Variants in COL4A1 observed in about 807,000 individuals in gnomAD.
The protein encoded by COL4A1 is collagen type IV alpha 1 chain.
COL4A1 carries 40 observed loss-of-function variants against 216.6 expected under a neutral mutation model. The observed-to-expected ratio is 0.18, with a 90% CI of 0.14 to 0.24. The LOEUF (loss-of-function observed/expected upper bound fraction) is 0.24. Among genes scored for constraint, COL4A1 ranks in the 10% least tolerant of loss-of-function variants. The pLI is 1.00. For synonymous variants in COL4A1, 839 were observed against 810.7 expected (o/e 1.03, Z -0.59); for missense variants, 1,628 against 2,196.8 (o/e 0.74, Z 5.18).
intron 1 of COL4A1, among the ~76,000 whole-genome samples, chr13:110,257,313 C>A (rs1347437525): frequency 1.3e-5 from 2 of 152,170 alleles, no homozygotes; most frequent in East Asian, 3.8e-4. Context: ...GGTCAGAGAT[C>A]CATCTGGGAG....
At chr13:110,269,732 C>T (rs924424464) in intron 1 of COL4A1, among the ~76,000 whole-genome samples, 3 of 151,860 alleles carry the variant, frequency 2.0e-5, no homozygotes, top group African/African-American at 7.3e-5. Flanking sequence ...GGGCGCATCC[C>T]GATTGCATGC....
intron 25 of COL4A1, 49 bp from the exon 26 acceptor site, chr13:110,186,602 C>A (rs1375454770): frequency 2.5e-6 from 4 of 1,605,866 alleles, no homozygotes; most frequent in South Asian, 1.1e-5. Context: ...CACACCAACA[C>A]CCTGTCCTTA....
At chr13:110,290,279 G>C (rs758404812) in intron 1 of COL4A1, among the ~76,000 whole-genome samples, 1 of 152,184 alleles carries the variant, frequency 6.6e-6, no homozygotes, top group Middle Eastern at 3.2e-3. Flanking sequence ...ACAAGCGCTC[G>C]GCAGGCGGCT....
At chr13:110,226,398 G>A (rs1418340400) in intron 2 of COL4A1, among the ~76,000 whole-genome samples, 2 of 152,150 alleles carry the variant, frequency 1.3e-5, no homozygotes, top group Non-Finnish European at 2.9e-5. Context: ...AGTAGCTAAC[G>A]ACATACACCG....
At chr13:110,182,037 C>T (rs1878182375) in intron 28 of COL4A1, among the ~76,000 whole-genome samples, 1 of 152,218 alleles carries the variant, frequency 6.6e-6, no homozygotes, top group South Asian at 2.1e-4. Context: ...TCCTCACTGC[C>T]ACAAAGCCAA....
At chr13:110,306,357 AG>A (rs1034208757) in intron 1 of COL4A1, among the ~76,000 whole-genome samples, 14 of 152,356 alleles carry the variant, frequency 9.2e-5, no homozygotes, top group African/African-American at 3.1e-4. Flanking sequence ...CGTCCAGAAG[AG>A]CCCCACTTCT....
At chr13:110,256,601 T>C (rs1882580981) in intron 1 of COL4A1, among the ~76,000 whole-genome samples, 1 of 152,086 alleles carries the variant, frequency 6.6e-6, no homozygotes, top group African/African-American at 2.4e-5. Context: ...CACAGGGAGT[T>C]TGAAGAACAT....
intron 24 of COL4A1, among the ~76,000 whole-genome samples, chr13:110,187,871 T>C (rs1878469969): frequency 6.6e-6 from 1 of 152,214 alleles, no homozygotes; most frequent in Non-Finnish European, 1.5e-5. Context: ...CCTGTGCATA[T>C]TGAACAGGCT....
chr13:110,209,323 G>C, intron 11 of COL4A1, 69 bp downstream of exon 11: 1 of 1,381,080 alleles, frequency 7.2e-7, no homozygotes, highest in Non-Finnish European at 1.0e-6. Flanking sequence ...AATAAGAAGA[G>C]TGAGCTATAG....
chr13:110,184,002 A>G (rs1878296251), intron 26 of COL4A1, among the ~76,000 whole-genome samples: 2 of 152,220 alleles, frequency 1.3e-5, no homozygotes, highest in African/African-American at 4.8e-5. Flanking sequence ...AACAGCCAGC[A>G]CATTCTTTAG....
chr13:110,225,172 C>T (rs566057091), intron 2 of COL4A1, among the ~76,000 whole-genome samples: 29 of 152,292 alleles, frequency 1.9e-4, no homozygotes, highest in African/African-American at 6.7e-4. Flanking sequence ...GTGTGCAGAG[C>T]CGCGTACATA....
chr13:110,241,992 C>T (rs1168116922), intron 2 of COL4A1, among the ~76,000 whole-genome samples: 1 of 152,186 alleles, frequency 6.6e-6, no homozygotes, highest in Non-Finnish European at 1.5e-5. Flanking sequence ...CTCACAGCCA[C>T]ACCTGGTTTC....
intron 50 of COL4A1, among the ~76,000 whole-genome samples, chr13:110,154,287 G>C (rs1483133811): frequency 6.6e-6 from 1 of 152,210 alleles, no homozygotes; most frequent in Non-Finnish European, 1.5e-5. Context: ...TGGGGTAATA[G>C]AATAAAATAA....
intron 1 of COL4A1, among the ~76,000 whole-genome samples, chr13:110,297,077 G>A: frequency 6.6e-6 from 1 of 152,280 alleles, no homozygotes; most frequent in East Asian, 1.9e-4. Context: ...CCTTATATAA[G>A]GGCATGATTG....
rs1445722021 is a variant in COL4A1, at chr13:110,207,539, G to A, written c.694-50C>T. The A allele has an allele frequency of 2.0e-6, 3 of 1,476,596 alleles. No homozygotes were observed. Among genetic ancestry groups the A allele is most frequent in the Admixed American group, 1.7e-5 (1 of 59,520 alleles). The allele number at this position is 1,476,596 out of a possible 1,614,324, so 91.5% of individuals were successfully genotyped here. On this transcript the variant is annotated intron_variant, in intron 12 of 51. Coordinates refer to ENST00000375820, the MANE Select transcript of COL4A1 (RefSeq NM_001845.6). This position sits in a 1 kb window ranked among gnomAD's most constrained non-coding sequence, Gnocchi z 4.4. ...AATTAGGCATGAAAACAATTATGCA[G>A]ACATGAAAAATTGCAGAGAGAGGTA... is the stretch of plus-strand genomic sequence containing the variant.
At chr13:110,214,445 T>C (rs542119928) in intron 2 of COL4A1, among the ~76,000 whole-genome samples, 1 of 152,260 alleles carries the variant, frequency 6.6e-6, no homozygotes, top group East Asian at 1.9e-4. Flanking sequence ...ATCAGAGAGC[T>C]GGTAAAGCAT....
chr13:110,158,739 CTTTTTT>C (rs556230875), intron 49 of COL4A1, among the ~76,000 whole-genome samples: 6 of 105,840 alleles, frequency 5.7e-5, no homozygotes, highest in Admixed American at 1.0e-4. Context: ...AAGAAATAAA[CTTTTTT>C]TTTTTTTTTT....
At chr13:110,296,863 T>C (rs943674097) in intron 1 of COL4A1, among the ~76,000 whole-genome samples, 1 of 152,188 alleles carries the variant, frequency 6.6e-6, no homozygotes, top group African/African-American at 2.4e-5. Flanking sequence ...AACCCTTATG[T>C]TTACTGATTT....
intron 1 of COL4A1, among the ~76,000 whole-genome samples, chr13:110,275,510 C>T (rs1168301472): frequency 6.6e-6 from 1 of 152,170 alleles, no homozygotes; most frequent in Non-Finnish European, 1.5e-5. Context: ...TCTGATAAAA[C>T]CAAACACACC....
Sources: gnomAD v4.1 joint callset for allele counts (sites outside exome capture counted in the v4.1 genomes callset) on GRCh38, gnomAD v4.1.1 for gene constraint, Gnocchi (gnomAD v3.1) non-coding constraint, MANE v1.5 for transcripts, NCBI Gene and HGNC (gene_info 2026-07-23, HGNC 2026-07-21) for gene names.